The following NME8 variants were observed in gnomAD, a reference collection of about 807,000 sequenced individuals.
The protein encoded by NME8 is protein NME8.
Under a neutral mutation model 82.3 loss-of-function variants are expected in NME8, and 72 were observed. The observed-to-expected ratio is 0.87, with a 90% CI of 0.72 to 1.06. NME8 has a LOEUF of 1.06. Among genes scored for constraint, NME8 ranks in the 50% least tolerant of loss-of-function variants. The pLI is 0.00. For missense variants in NME8, 712 were observed against 685.4 expected, an observed-to-expected ratio of 1.04 and a Z score of -0.43; for synonymous variants, 267 against 228.5, an observed-to-expected ratio of 1.17 and a Z score of -1.52.
chr7:37,849,803 G>A (rs1026621522), intron 2 of NME8, among the ~76,000 whole-genome samples: 3 of 150,264 alleles, frequency 2.0e-5, no homozygotes, highest in African/African-American at 4.9e-5. Flanking sequence ...CCCAGGAGAC[G>A]GAGGTTGCAG....
intron 12 of NME8, among the ~76,000 whole-genome samples, chr7:37,883,354 T>G (rs1784993395): frequency 6.6e-6 from 1 of 152,206 alleles, no homozygotes; most frequent in Admixed American, 6.5e-5. Flanking sequence ...TTTTCAACTT[T>G]CAAGAGCTAT....
At chr7:37,883,894 T>C (rs539499411) in intron 12 of NME8, among the ~76,000 whole-genome samples, 1 of 152,210 alleles carries the variant, frequency 6.6e-6, no homozygotes, top group South Asian at 2.1e-4. Flanking sequence ...CAAATCATGG[T>C]TATTGAACAT....
chr7:37,866,810 G>T (rs550520778), intron 10 of NME8, among the ~76,000 whole-genome samples: 53 of 152,296 alleles, frequency 3.5e-4, no homozygotes, highest in Admixed American at 9.1e-4. Context: ...TTCCAAGGTG[G>T]TCGGGGCACA....
intron 5 of NME8, among the ~76,000 whole-genome samples, chr7:37,855,632 C>G (rs566439846): frequency 9.4e-4 from 143 of 152,308 alleles, no homozygotes; most frequent in African/African-American, 3.2e-3. Context: ...GTCTCTTGGT[C>G]AGCAGCAGCT....
chr7:37,876,591 C>G (rs894405291), intron 11 of NME8, among the ~76,000 whole-genome samples: 3 of 151,968 alleles, frequency 2.0e-5, no homozygotes, highest in Non-Finnish European at 4.4e-5. Context: ...TTTGTTTATT[C>G]TCTCATAAAG....
intron 14 of NME8, 83 bp from the exon 15 acceptor site, chr7:37,888,194 T>A (rs1562840897): frequency 7.2e-7 from 1 of 1,392,808 alleles, no homozygotes; most frequent in South Asian, 1.2e-5. Flanking sequence ...TGTTATTTGA[T>A]AACTTTTGAA....
intron 17 of NME8, among the ~76,000 whole-genome samples, chr7:37,897,672 C>A (rs893015362): frequency 1.3e-5 from 2 of 151,888 alleles, no homozygotes; most frequent in African/African-American, 2.4e-5. Flanking sequence ...CCTCACCCCC[C>A]ACCCCCCAAC....
rs1026715463 is a variant in NME8 at position 37,876,827 on chromosome 7, G to A, written c.819-5G>A. ...AATCTTAAATTATATTTTGGATTTTGACAGTTTACAAGAATATCTGGAAAG... is the reference window on the plus strand; with the variant it reads ...AATCTTAAATTATATTTTGGATTTTAACAGTTTACAAGAATATCTGGAAAG... On this transcript the variant is annotated splice_polypyrimidine_tract_variant and splice_region_variant and intron_variant, in intron 11 of 17. Transcript: ENST00000199447. The A allele has an allele frequency of 6.2e-7, 1 of 1,604,610 alleles. No individual in the cohort carries two copies. Among genetic ancestry groups the A allele is most frequent in the African/African-American group, 1.3e-5 (1 of 74,642 alleles).
intron 12 of NME8, among the ~76,000 whole-genome samples, chr7:37,882,265 T>A (rs544750960): frequency 1.3e-5 from 2 of 152,202 alleles, no homozygotes; most frequent in East Asian, 3.9e-4. Flanking sequence ...GGCAGCCGCA[T>A]TGCTTGAGCC....
At chr7:37,872,178 A>T (rs1328404397) in intron 11 of NME8, among the ~76,000 whole-genome samples, 1 of 152,176 alleles carries the variant, frequency 6.6e-6, no homozygotes, top group Non-Finnish European at 1.5e-5. Context: ...AAGGGCCAGG[A>T]TAGAACTGAG....
intron 16 of NME8, 180 bp from the exon 17 acceptor site, chr7:37,896,690 A>G (rs989251109): frequency 9.6e-6 from 6 of 621,796 alleles, no homozygotes; most frequent in East Asian, 8.1e-5. Flanking sequence ...GCACCCACCT[A>G]GCATATAAAC....
intron 15 of NME8, among the ~76,000 whole-genome samples, chr7:37,891,621 A>G (rs1259794690): frequency 1.3e-5 from 2 of 151,842 alleles, no homozygotes; most frequent in Non-Finnish European, 2.9e-5. Context: ...TTTTATTGCA[A>G]TATCTATCAG....
At chr7:37,892,930 ATTTC>A (rs1261828221) in intron 15 of NME8, among the ~76,000 whole-genome samples, 1 of 151,098 alleles carries the variant, frequency 6.6e-6, no homozygotes, top group Non-Finnish European at 1.5e-5. Context: ...TCTTTTATTT[ATTTC>A]TTTAACAGGG....
chr7:37,874,997 C>A (rs1446259426), intron 11 of NME8, among the ~76,000 whole-genome samples: 2 of 152,090 alleles, frequency 1.3e-5, no homozygotes, highest in East Asian at 3.9e-4. Flanking sequence ...AGTAACGGAC[C>A]AAGAAGGACG....
chr7:37,862,645 AT>A (rs5883615), intron 7 of NME8, among the ~76,000 whole-genome samples: 4 of 149,760 alleles, frequency 2.7e-5, no homozygotes, highest in Admixed American at 2.7e-4. Context: ...TTTGAGAAAT[AT>A]TTTTTTTTTA....
At chr7:37,888,159 A>C in intron 14 of NME8, 118 bp from the exon 15 acceptor site, 1 of 1,000,936 alleles carries the variant, frequency 1.0e-6, no homozygotes, top group East Asian at 2.5e-5. Context: ...CCTTTTGCAC[A>C]GTGTCAAGAT....
At chr7:37,867,591 TGCCCAG>T in intron 10 of NME8, 105 bp from the exon 11 acceptor site, 1 of 770,858 alleles carries the variant, frequency 1.3e-6, no homozygotes, top group Non-Finnish European at 2.3e-6. Context: ...AACATTCCTT[TGCCCAG>T]GGACCATGGA....
At chr7:37,875,295 C>T (rs565326072) in intron 11 of NME8, among the ~76,000 whole-genome samples, 11 of 152,072 alleles carry the variant, frequency 7.2e-5, no homozygotes, top group South Asian at 2.1e-4. Flanking sequence ...AAATTGAATA[C>T]GGACTGTTTA....
rs1042295820 is a variant in NME8 at position 37,848,745 on chromosome 7, G to C, written c.-241+17G>C. On this transcript the variant is annotated intron_variant, in intron 1 of 17. Transcript: ENST00000199447. ...ACTGCCCAGGTATAGCTGCTGTCTG[G>C]AGCAGGGGCCTCGAGACGCCGCTCA... 1 of 152,286 alleles carries C rather than the reference G, an allele frequency of 6.6e-6. No homozygotes were observed. Among genetic ancestry groups the C allele is most frequent in the South Asian group, 2.1e-4 (1 of 4,838 alleles). 9.4% of individuals were successfully genotyped at this position (152,286 alleles called of 1,614,324 possible).
Sources: allele counts gnomAD v4.1 joint callset (sites outside exome capture counted in the v4.1 genomes callset), GRCh38; gene constraint gnomAD v4.1.1; transcripts MANE v1.5; gene names NCBI Gene and HGNC (gene_info 2026-07-23, HGNC 2026-07-21).